OXR1: variants seen among roughly 807,000 people sequenced by gnomAD.
OXR1 encodes oxidation resistance 1, also known as oxidation resistance protein 1.
Under a neutral mutation model 104.6 loss-of-function variants are expected in OXR1, and 41 were observed. That is an observed-to-expected ratio of 0.39 (90% CI 0.31 to 0.51). OXR1 has a LOEUF of 0.51. OXR1 is among the 20% of genes least tolerant of loss of function. OXR1 has a pLI of 0.77. For synonymous variants in OXR1, 348 were observed against 348.4 expected (o/e 1.00, Z 0.01); for missense variants, 955 against 1,031.9 (o/e 0.93, Z 1.02).
At chr8:106,363,270 G>A (rs563344209) in intron 2 of OXR1, among the ~76,000 whole-genome samples, 18 of 152,284 alleles carry the variant, frequency 1.2e-4, no homozygotes, top group African/African-American at 4.1e-4. Flanking sequence ...TGATCAAATA[G>A]CTCTGATTTA....
intron 2 of OXR1, among the ~76,000 whole-genome samples, chr8:106,502,890 G>C (rs1166746645): frequency 6.6e-6 from 1 of 152,116 alleles, no homozygotes; most frequent in Non-Finnish European, 1.5e-5. Flanking sequence ...TTGTACAACT[G>C]AGTAAAAGGT....
chr8:106,321,658 A>G (rs901016593), intron 1 of OXR1, among the ~76,000 whole-genome samples: 8 of 152,214 alleles, frequency 5.3e-5, no homozygotes, highest in Admixed American at 3.9e-4. Flanking sequence ...CTTCCCCACC[A>G]ACTAAAGGCA....
At chr8:106,575,775 C>T (rs1396720114) in intron 3 of OXR1, among the ~76,000 whole-genome samples, 1 of 151,118 alleles carries the variant, frequency 6.6e-6, no homozygotes, top group Non-Finnish European at 1.5e-5. Flanking sequence ...TGTGCCAAAG[C>T]TCATGCAGTT....
intron 2 of OXR1, among the ~76,000 whole-genome samples, chr8:106,421,778 G>C (rs1297254292): frequency 1.5e-5 from 1 of 68,332 alleles, no homozygotes; most frequent in Non-Finnish European, 2.6e-5. Context: ...TTATGTGATG[G>C]AGCTCAGCAG....
chr8:106,483,871 T>C (rs1271752936), intron 2 of OXR1, among the ~76,000 whole-genome samples: 10 of 152,070 alleles, frequency 6.6e-5, no homozygotes, highest in Non-Finnish European at 1.0e-4. Context: ...AAAATGAAGC[T>C]ATTATATCCT....
At chr8:106,708,536 C>T (rs1831375242) in intron 9 of OXR1, among the ~76,000 whole-genome samples, 1 of 152,106 alleles carries the variant, frequency 6.6e-6, no homozygotes, top group African/African-American at 2.4e-5. Context: ...CAATATTTAT[C>T]CATTGATGTT....
chr8:106,429,420 G>A (rs1199958004), intron 2 of OXR1, among the ~76,000 whole-genome samples: 1 of 152,164 alleles, frequency 6.6e-6, no homozygotes, highest in Non-Finnish European at 1.5e-5. Context: ...AGCACTATGG[G>A]AGGCTGAGGT....
chr8:106,726,320 G>C (rs935911991), intron 11 of OXR1: 2 of 1,408,148 alleles, frequency 1.4e-6, no homozygotes, highest in Non-Finnish European at 1.9e-6. Context: ...GTAAATCTTA[G>C]TCAATTATTT....
At chr8:106,396,169 A>T (rs1180717795) in intron 2 of OXR1, among the ~76,000 whole-genome samples, 2 of 152,110 alleles carry the variant, frequency 1.3e-5, no homozygotes, top group Admixed American at 1.3e-4. Flanking sequence ...CAAATACTAT[A>T]TGTAGATATA....
At chr8:106,507,078 C>G (rs1374424149) in intron 2 of OXR1, among the ~76,000 whole-genome samples, 1 of 151,920 alleles carries the variant, frequency 6.6e-6, no homozygotes, top group East Asian at 1.9e-4. Context: ...CAGTGAGAGC[C>G]TGTCTCTTAA....
intron 2 of OXR1, among the ~76,000 whole-genome samples, chr8:106,394,252 G>A (rs1475727219): frequency 1.3e-5 from 2 of 150,690 alleles, no homozygotes; most frequent in Non-Finnish European, 3.0e-5. Flanking sequence ...TAAAATTAGA[G>A]GACTTTTTAA....
chr8:106,563,414 G>A (rs1816838191), intron 3 of OXR1, among the ~76,000 whole-genome samples: 1 of 151,890 alleles, frequency 6.6e-6, no homozygotes, highest in African/African-American at 2.4e-5. Flanking sequence ...TAATGATAAA[G>A]GTATCAATGC....
At chr8:106,624,534 G>C (rs111583131) in intron 3 of OXR1, among the ~76,000 whole-genome samples, 14 of 152,248 alleles carry the variant, frequency 9.2e-5, no homozygotes, top group African/African-American at 3.4e-4. Flanking sequence ...ATACCAGTAA[G>C]ATGGGACAGA....
intron 11 of OXR1, among the ~76,000 whole-genome samples, chr8:106,735,599 G>GAA (rs1563758788): frequency 1.3e-5 from 2 of 152,026 alleles, no homozygotes. Context: ...GGAAAGCAGA[G>GAA]AATTAGATAA....
At chr8:106,323,197 A>G (rs991131889) in intron 1 of OXR1, among the ~76,000 whole-genome samples, 1 of 152,212 alleles carries the variant, frequency 6.6e-6, no homozygotes, top group East Asian at 1.9e-4. Context: ...GGCACATACC[A>G]GTGGAACAGA....
chr8:106,521,702 C>T (rs1013132886), intron 3 of OXR1, among the ~76,000 whole-genome samples: 8 of 152,042 alleles, frequency 5.3e-5, no homozygotes, highest in South Asian at 2.1e-4. Flanking sequence ...TTGGTAGAAA[C>T]GGGGTTTCAC....
At chr8:106,553,038 C>A (rs1489317529) in intron 3 of OXR1, among the ~76,000 whole-genome samples, 1 of 151,876 alleles carries the variant, frequency 6.6e-6, no homozygotes, top group East Asian at 1.9e-4. Flanking sequence ...TAAGTATTTG[C>A]CAGCATCTTA....
At chr8:106,603,903 A>C (rs1820160411) in intron 3 of OXR1, among the ~76,000 whole-genome samples, 1 of 151,962 alleles carries the variant, frequency 6.6e-6, no homozygotes, top group Non-Finnish European at 1.5e-5. Flanking sequence ...AAATATAAAA[A>C]TTAGCTGGGC....
chr8:106,412,836 A>C (rs1010345328), intron 2 of OXR1, among the ~76,000 whole-genome samples: 1 of 152,120 alleles, frequency 6.6e-6, no homozygotes. Flanking sequence ...TTTTCCTTAA[A>C]AAAGATGTAT....
Sources: allele counts gnomAD v4.1 joint callset (sites outside exome capture counted in the v4.1 genomes callset), GRCh38; gene constraint gnomAD v4.1.1; transcripts MANE v1.5; gene names NCBI Gene and HGNC (gene_info 2026-07-23, HGNC 2026-07-21).